Variants in WDFY3 observed in about 807,000 individuals in gnomAD.
The protein encoded by WDFY3 is WD repeat and FYVE domain-containing protein 3.
A neutral mutation model predicts 409.6 loss-of-function variants in WDFY3; 66 were observed. The ratio of observed to expected loss-of-function variants is 0.16; its 90% CI spans 0.13 to 0.20. WDFY3 has a LOEUF of 0.20. WDFY3 is among the 10% of genes least tolerant of loss of function. The pLI, the probability that WDFY3 is intolerant of heterozygous loss-of-function variation, is 1.00. For missense variants in WDFY3, 3,031 were observed against 4,298.1 expected, an observed-to-expected ratio of 0.71 and a Z score of 8.24; for synonymous variants, 1,521 against 1,537.1, an observed-to-expected ratio of 0.99 and a Z score of 0.25.
intron 2 of WDFY3, among the ~76,000 whole-genome samples, chr4:84,912,245 T>C (rs190934758): frequency 6.6e-6 from 1 of 152,186 alleles, no homozygotes; most frequent in East Asian, 1.9e-4. Context: ...AATTGCTTGA[T>C]ACGTACCTTA....
chr4:84,817,341 T>C, intron 13 of WDFY3, 51 bp downstream of exon 13: 2 of 1,599,734 alleles, frequency 1.3e-6, no homozygotes, highest in Non-Finnish European at 1.7e-6. Flanking sequence ...CATCTAAAAA[T>C]AACCACAGAT....
At chr4:84,872,840 C>T (rs1762302287) in intron 3 of WDFY3, among the ~76,000 whole-genome samples, 1 of 151,978 alleles carries the variant, frequency 6.6e-6, no homozygotes, top group African/African-American at 2.4e-5. Context: ...TATTGACTTA[C>T]CCTTGAAATA....
rs182730102 is a variant in WDFY3 at position 84,874,189 on chromosome 4, G to A, written c.-31-13567C>T. The stretch of plus-strand genomic sequence containing the variant: ...AGCACTTTGTGAGGCTGAGGCGGGC[G>A]ATCACCTGAGGTCAGGAGTTTGAGA... On this transcript the variant is annotated intron_variant, in intron 3 of 67. Transcript: ENST00000295888. Among the ~76,000 whole-genome samples the A allele has an allele frequency of 4.3e-3, 658 of 151,862 alleles. 17 individuals carry two copies. Among genetic ancestry groups the A allele is most frequent in the Admixed American group, 0.04 (604 of 15,270 alleles).
At chr4:84,837,190 T>A in intron 6 of WDFY3, 100 bp from the exon 7 acceptor site, 1 of 1,051,618 alleles carries the variant, frequency 9.5e-7, no homozygotes, top group Non-Finnish European at 1.3e-6. Flanking sequence ...TATATAAAGG[T>A]AACTTTTTAA....
intron 32 of WDFY3, among the ~76,000 whole-genome samples, chr4:84,765,219 A>G (rs747355372): frequency 3.3e-5 from 5 of 152,240 alleles, no homozygotes; most frequent in Non-Finnish European, 7.3e-5. Context: ...GAGTTCAAAT[A>G]AATCTAGCAT....
chr4:84,700,677 G>GT (rs1360312176), intron 56 of WDFY3, among the ~76,000 whole-genome samples: 3 of 152,230 alleles, frequency 2.0e-5, no homozygotes, highest in Admixed American at 6.5e-5. Flanking sequence ...ATTATCATAA[G>GT]TGATAGATGT....
At chr4:84,920,256 T>C (rs573435177) in intron 2 of WDFY3, among the ~76,000 whole-genome samples, 17 of 152,332 alleles carry the variant, frequency 1.1e-4, no homozygotes, top group African/African-American at 3.1e-4. Context: ...TAGAAGGCAC[T>C]TATTCAGATA....
chr4:84,947,514 A>AAATAATAAT lies in WDFY3; in HGVS notation c.-225-15160_-225-15152dup, dbSNP rs200130662. 1.1e-3 allele frequency among the ~76,000 whole-genome samples: 153 copies of AAATAATAAT among 140,538 alleles called. 1 individual carries two copies. The highest frequency in any genetic ancestry group is 6.9e-3 in the East Asian group (33 of 4,756). 92.2% of individuals were successfully genotyped at this position (140,538 alleles called of 152,430 possible). On this transcript the variant is annotated intron_variant, in intron 1 of 67. Coordinates refer to ENST00000295888, the MANE Select transcript of WDFY3 (RefSeq NM_014991.6). ...GCAAAAGAGCGAGAATCCGTCTCAA[A>AAATAATAAT]AATAATAATAATAATAATAATAATA...
At chr4:84,917,053 G>T (rs1368628211) in intron 2 of WDFY3, among the ~76,000 whole-genome samples, 1 of 152,028 alleles carries the variant, frequency 6.6e-6, no homozygotes, top group Non-Finnish European at 1.5e-5. Flanking sequence ...TCACACACAC[G>T]AAAAATAGAT....
chr4:84,744,848 G>A (rs1219955301), intron 36 of WDFY3, among the ~76,000 whole-genome samples: 9 of 87,930 alleles, frequency 1.0e-4, no homozygotes, highest in African/African-American at 1.9e-4. Context: ...GCGAGACTCC[G>A]TCTCAAAAAA....
At chr4:84,851,507 A>G (rs1278740676) in intron 4 of WDFY3, among the ~76,000 whole-genome samples, 1 of 152,200 alleles carries the variant, frequency 6.6e-6, no homozygotes, top group African/African-American at 2.4e-5. Flanking sequence ...GGAGAACATG[A>G]GAACATAAAC....
At chr4:84,946,377 A>T (rs190051240) in intron 1 of WDFY3, among the ~76,000 whole-genome samples, 1 of 152,310 alleles carries the variant, frequency 6.6e-6, no homozygotes, top group East Asian at 1.9e-4. Context: ...TCAAGCATGC[A>T]GATGGCAAGT....
At chr4:84,837,120 A>G (rs200312449) in intron 6 of WDFY3, 30 bp from the exon 7 acceptor site, 193 of 1,452,628 alleles carry the variant, frequency 1.3e-4, no homozygotes, top group Non-Finnish European at 1.7e-4. Flanking sequence ...ATAAGTGAAT[A>G]GATAGACACA....
chr4:84,738,744 G>A (rs1737899428), intron 40 of WDFY3, among the ~76,000 whole-genome samples: 1 of 152,050 alleles, frequency 6.6e-6, no homozygotes, highest in African/African-American at 2.4e-5. Flanking sequence ...TAATTCCAAG[G>A]TAGTATTTGT....
chr4:84,755,256 G>A lies in WDFY3; in HGVS notation c.5559+10C>T. ...ATTCTCAATAGGCCTGGGCATTTGA[G>A]TGAACTTACTGAAGTCAGCATGCTG... On this transcript the variant is annotated intron_variant, in intron 34 of 67. Coordinates refer to ENST00000295888, the MANE Select transcript of WDFY3 (RefSeq NM_014991.6). 6.2e-7 allele frequency: 1 copy of A among 1,610,764 alleles called. No individual in the cohort carries two copies. The highest frequency in any genetic ancestry group is 1.3e-5 in the African/African-American group (1 of 74,770).
intron 1 of WDFY3, among the ~76,000 whole-genome samples, chr4:84,933,077 C>A (rs1770971749): frequency 6.6e-6 from 1 of 152,052 alleles, no homozygotes. Context: ...AAAGGAGGAG[C>A]CTGGACTAAT....
At chr4:84,726,298 C>T (rs1195129461) in intron 45 of WDFY3, among the ~76,000 whole-genome samples, 1 of 151,990 alleles carries the variant, frequency 6.6e-6, no homozygotes, top group African/African-American at 2.4e-5. Flanking sequence ...TTCTAAAAAA[C>T]TACATTTTTT....
intron 32 of WDFY3, among the ~76,000 whole-genome samples, 177 bp from the exon 33 acceptor site, chr4:84,757,338 C>A (rs577122894): frequency 6.6e-6 from 1 of 152,144 alleles, no homozygotes; most frequent in Non-Finnish European, 1.5e-5. Context: ...TTTTACTTTA[C>A]AATTTGTTTG....
intron 3 of WDFY3, among the ~76,000 whole-genome samples, chr4:84,883,075 G>A (rs1419950892): frequency 3.3e-5 from 5 of 152,268 alleles, no homozygotes; most frequent in South Asian, 2.1e-4. Flanking sequence ...TCTCATGGCT[G>A]GGGGAATACA....
Sources: allele counts gnomAD v4.1 joint callset (sites outside exome capture counted in the v4.1 genomes callset), GRCh38; gene constraint gnomAD v4.1.1; transcripts MANE v1.5; gene names NCBI Gene and HGNC (gene_info 2026-07-23, HGNC 2026-07-21).